MITF: variants seen among roughly 807,000 people sequenced by gnomAD.
The protein encoded by MITF is melanocyte inducing transcription factor, also known as microphthalmia-associated transcription factor.
Under a neutral mutation model 60.5 loss-of-function variants are expected in MITF, and 17 were observed. The ratio of observed to expected loss-of-function variants is 0.28; its 90% CI spans 0.19 to 0.42. MITF has a LOEUF of 0.42. MITF is among the 10% of genes least tolerant of loss of function. The pLI, the probability that MITF is intolerant of heterozygous loss-of-function variation, is 1.00. For missense variants in MITF, 622 were observed against 683.5 expected, an observed-to-expected ratio of 0.91 and a Z score of 1.00; for synonymous variants, 260 against 248.5, an observed-to-expected ratio of 1.05 and a Z score of -0.43.
intron 9 of MITF, among the ~76,000 whole-genome samples, chr3:69,959,660 C>T (rs1285227232): frequency 6.6e-6 from 1 of 152,176 alleles, no homozygotes; most frequent in Non-Finnish European, 1.5e-5. Flanking sequence ...GCCCATGGCA[C>T]GCATTTCCAG....
At chr3:69,937,687 C>T (rs1200130553) in intron 2 of MITF, 135 bp from the exon 3 acceptor site, 8 of 763,512 alleles carry the variant, frequency 1.0e-5, no homozygotes, top group African/African-American at 1.7e-5. Context: ...TAGCACAGTG[C>T]CTGGTACATA....
chr3:69,792,815 C>G (rs2062762335), intron 1 of MITF, among the ~76,000 whole-genome samples: 1 of 151,920 alleles, frequency 6.6e-6, no homozygotes, highest in Non-Finnish European at 1.5e-5. Context: ...ATTGATTCCT[C>G]TGCCCCACTA....
At chr3:69,816,481 G>T (rs896460565) in intron 1 of MITF, among the ~76,000 whole-genome samples, 4 of 151,968 alleles carry the variant, frequency 2.6e-5, no homozygotes, top group African/African-American at 9.7e-5. Flanking sequence ...ATATATTTTT[G>T]TCTGATTTTC....
intron 1 of MITF, among the ~76,000 whole-genome samples, chr3:69,850,700 G>A (rs755831528): frequency 2.0e-4 from 30 of 152,162 alleles, no homozygotes; most frequent in Admixed American, 1.2e-3. Flanking sequence ...TTTTTCTTGG[G>A]CATTTCCATT....
intron 1 of MITF, among the ~76,000 whole-genome samples, chr3:69,779,806 T>TG (rs1461796858): frequency 6.6e-6 from 1 of 152,150 alleles, no homozygotes; most frequent in Non-Finnish European, 1.5e-5. Context: ...TGTCACCCAG[T>TG]AGTAACATTT....
intron 1 of MITF, among the ~76,000 whole-genome samples, chr3:69,822,485 T>A (rs1315816014): frequency 6.6e-6 from 1 of 152,098 alleles, no homozygotes; most frequent in African/African-American, 2.4e-5. Flanking sequence ...ACTGGGGAAA[T>A]GAAGTGTAAA....
intron 1 of MITF, among the ~76,000 whole-genome samples, chr3:69,787,546 G>C (rs1286926198): frequency 6.6e-6 from 1 of 152,132 alleles, no homozygotes; most frequent in Non-Finnish European, 1.5e-5. Context: ...TTTTTGAAAA[G>C]TCTTGGTGTT....
chr3:69,883,778 A>G (rs566864437), intron 2 of MITF, among the ~76,000 whole-genome samples: 29 of 152,294 alleles, frequency 1.9e-4, no homozygotes, highest in African/African-American at 6.5e-4. Flanking sequence ...TGTCACTCTC[A>G]TAAGGTGAAG....
At chr3:69,806,385 C>T (rs1044263920) in intron 1 of MITF, among the ~76,000 whole-genome samples, 2 of 151,916 alleles carry the variant, frequency 1.3e-5, no homozygotes, top group African/African-American at 4.8e-5. Flanking sequence ...TGCACCCGGC[C>T]CATTTTACTA....
At chr3:69,948,321 C>T (rs568198004) in intron 5 of MITF, among the ~76,000 whole-genome samples, 1 of 152,216 alleles carries the variant, frequency 6.6e-6, no homozygotes, top group Non-Finnish European at 1.5e-5. Flanking sequence ...CAAAGGAGGA[C>T]TCGCTGCTTT....
intron 2 of MITF, among the ~76,000 whole-genome samples, chr3:69,908,354 A>G (rs1278310603): frequency 6.6e-6 from 1 of 151,948 alleles, no homozygotes; most frequent in Admixed American, 6.5e-5. Context: ...AGCAAAAACA[A>G]TAAAAAAAAA....
chr3:69,746,490 A>G (rs1196570188), intron 1 of MITF, among the ~76,000 whole-genome samples: 4 of 152,154 alleles, frequency 2.6e-5, no homozygotes, highest in Non-Finnish European at 4.4e-5. Flanking sequence ...TTCAAGGACA[A>G]TAAGTGAGAG....
At chr3:69,764,441 CTAAT>C (rs1316946472) in intron 1 of MITF, among the ~76,000 whole-genome samples, 1 of 152,162 alleles carries the variant, frequency 6.6e-6, no homozygotes, top group Non-Finnish European at 1.5e-5. Flanking sequence ...ATTTTCTTGA[CTAAT>C]TATTGTCTTT....
intron 1 of MITF, among the ~76,000 whole-genome samples, chr3:69,751,153 G>C (rs1052566408): frequency 6.6e-6 from 1 of 152,202 alleles, no homozygotes; most frequent in Admixed American, 6.5e-5. Flanking sequence ...TTGAGAAACA[G>C]GGTGATGGTG....
At position 69,965,540 on chromosome 3, in the gene MITF, G is replaced by C. The variant is rs1165972818; in HGVS notation, c.*292G>C. On this transcript the variant is annotated 3_prime_UTR_variant, in exon 10 of 10. Transcript: ENST00000352241. ...CTGAGCAAGAGGATTTTGCGTCAGA[G>C]AAATGTCTGTCCATTTTTATTCAGG... The C allele has an allele frequency of 1.7e-5, 5 of 289,104 alleles. No individual in the cohort carries two copies. The highest frequency in any genetic ancestry group is 4.7e-5 in the Admixed American group (1 of 21,458). The allele number at this position is 289,104 out of a possible 1,614,324, so 17.9% of individuals were successfully genotyped here.
At chr3:69,933,899 T>C (rs1047098145) in intron 2 of MITF, among the ~76,000 whole-genome samples, 16 of 152,206 alleles carry the variant, frequency 1.1e-4, no homozygotes, top group Admixed American at 2.6e-4. Context: ...TAAAAAGCTA[T>C]GAATTAGGGT....
At chr3:69,796,985 A>G (rs991998994) in intron 1 of MITF, among the ~76,000 whole-genome samples, 16 of 152,204 alleles carry the variant, frequency 1.1e-4, no homozygotes, top group Non-Finnish European at 1.9e-4. Flanking sequence ...ATTTTATAGG[A>G]GACTTTTATT....
At chr3:69,850,305 G>C (rs973904813) in intron 1 of MITF, among the ~76,000 whole-genome samples, 1 of 152,134 alleles carries the variant, frequency 6.6e-6, no homozygotes, top group African/African-American at 2.4e-5. Context: ...CTGTGCCTTG[G>C]GTTGAATTCC....
chr3:69,958,611 A>G (rs1054365954), intron 8 of MITF, among the ~76,000 whole-genome samples: 2 of 152,092 alleles, frequency 1.3e-5, no homozygotes, highest in Non-Finnish European at 2.9e-5. Flanking sequence ...AGTTTATGCC[A>G]TAAACAATTT....
Sources: allele counts gnomAD v4.1 joint callset (sites outside exome capture counted in the v4.1 genomes callset), GRCh38; gene constraint gnomAD v4.1.1; transcripts MANE v1.5; gene names NCBI Gene and HGNC (gene_info 2026-07-23, HGNC 2026-07-21).